The following ZNF385D variants were observed in gnomAD, a reference collection of about 807,000 sequenced individuals.
ZNF385D encodes the protein zinc finger protein 659.
Under a neutral mutation model 35.8 loss-of-function variants are expected in ZNF385D, and 15 were observed. The ratio of observed to expected loss-of-function variants is 0.42; its 90% CI spans 0.28 to 0.64. ZNF385D has a LOEUF of 0.64. ZNF385D is among the 30% of genes least tolerant of loss of function. The pLI, the probability that ZNF385D is intolerant of heterozygous loss-of-function variation, is 0.23. For synonymous variants in ZNF385D, 212 were observed against 186.8 expected (o/e 1.13, Z -1.10); for missense variants, 474 against 494.6 (o/e 0.96, Z 0.39).
At chr3:22,011,105 G>A (rs1214940284) in intron 3 of ZNF385D, among the ~76,000 whole-genome samples, 1 of 151,984 alleles carries the variant, frequency 6.6e-6, no homozygotes, top group Non-Finnish European at 1.5e-5. Flanking sequence ...GTTTCCAGAA[G>A]CATAATAATT....
chr3:21,869,792 G>C (rs1697587274), intron 3 of ZNF385D, among the ~76,000 whole-genome samples: 1 of 152,072 alleles, frequency 6.6e-6, no homozygotes, highest in Non-Finnish European at 1.5e-5. Flanking sequence ...ATTAAGCCTG[G>C]AGCCAATCTA....
chr3:22,073,172 T>C (rs1451187506), intron 3 of ZNF385D, among the ~76,000 whole-genome samples: 1 of 152,016 alleles, frequency 6.6e-6, no homozygotes, highest in African/African-American at 2.4e-5. Flanking sequence ...TAAGTTCTGG[T>C]CAAAATCTAG....
intron 4 of ZNF385D, among the ~76,000 whole-genome samples, chr3:21,479,607 A>C (rs912063460): frequency 2.0e-5 from 3 of 152,140 alleles, no homozygotes; most frequent in Non-Finnish European, 4.4e-5. Flanking sequence ...AAGCACTTCC[A>C]ATCTCCTATC....
intron 2 of ZNF385D, among the ~76,000 whole-genome samples, chr3:21,634,838 A>G (rs529314516): frequency 5.9e-5 from 9 of 151,750 alleles, no homozygotes; most frequent in Non-Finnish European, 1.0e-4. Context: ...TTGGATGGCA[A>G]TATTTTTCTT....
intron 4 of ZNF385D, among the ~76,000 whole-genome samples, chr3:21,448,017 T>G (rs971886512): frequency 6.6e-6 from 1 of 152,186 alleles, no homozygotes; most frequent in Non-Finnish European, 1.5e-5. Flanking sequence ...GCAAGAGTTA[T>G]AATACTTAGC....
At chr3:21,961,254 A>C (rs1702576001) in intron 3 of ZNF385D, among the ~76,000 whole-genome samples, 1 of 152,150 alleles carries the variant, frequency 6.6e-6, no homozygotes, top group Non-Finnish European at 1.5e-5. Flanking sequence ...GGAATATAAA[A>C]AAGGTCTTGG....
intron 3 of ZNF385D, among the ~76,000 whole-genome samples, chr3:22,100,404 T>C (rs1701870349): frequency 6.7e-6 from 1 of 149,656 alleles, no homozygotes; most frequent in South Asian, 2.1e-4. Flanking sequence ...TGCGGCAGTA[T>C]TCACAATAGC....
At chr3:22,108,811 G>C (rs150888787) in intron 3 of ZNF385D, among the ~76,000 whole-genome samples, 51 of 152,176 alleles carry the variant, frequency 3.4e-4, no homozygotes, top group Middle Eastern at 6.8e-3. Context: ...TCATGAGTTC[G>C]AGACCAGCCT....
intron 3 of ZNF385D, among the ~76,000 whole-genome samples, chr3:21,514,210 G>A (rs149798458): frequency 8.5e-5 from 13 of 152,188 alleles, no homozygotes; most frequent in East Asian, 1.9e-4. Flanking sequence ...TCTGAGGGTC[G>A]TCATTGCCAG....
At chr3:21,586,541 A>G (rs1437394967) in intron 2 of ZNF385D, among the ~76,000 whole-genome samples, 1 of 152,212 alleles carries the variant, frequency 6.6e-6, no homozygotes, top group African/African-American at 2.4e-5. Flanking sequence ...ATTAGTTAAT[A>G]TAGTAAAGAA....
At chr3:21,667,667 T>C (rs2066448162) in intron 1 of ZNF385D, among the ~76,000 whole-genome samples, 1 of 152,198 alleles carries the variant, frequency 6.6e-6, no homozygotes, top group Non-Finnish European at 1.5e-5. Context: ...AGAATGCAAT[T>C]TAGCAAGAAA....
chr3:22,019,141 G>C (rs1182787162), intron 3 of ZNF385D, among the ~76,000 whole-genome samples: 1 of 138,810 alleles, frequency 7.2e-6, no homozygotes, highest in African/African-American at 2.7e-5. Context: ...CTCCTATACA[G>C]GGATCTATAA....
chr3:21,604,264 A>G (rs1318949199), intron 2 of ZNF385D, among the ~76,000 whole-genome samples: 2 of 152,204 alleles, frequency 1.3e-5, no homozygotes, highest in Non-Finnish European at 2.9e-5. Flanking sequence ...CTCTGTGTGT[A>G]GAAGCAGAGA....
intron 3 of ZNF385D, among the ~76,000 whole-genome samples, chr3:21,843,353 T>A (rs1229739238): frequency 3.9e-5 from 6 of 151,964 alleles, no homozygotes; most frequent in African/African-American, 1.4e-4. Context: ...AATGTGACAT[T>A]AGTGGACCAG....
At chr3:22,022,746 G>C (rs1697299071) in intron 3 of ZNF385D, among the ~76,000 whole-genome samples, 1 of 151,888 alleles carries the variant, frequency 6.6e-6, no homozygotes, top group African/African-American at 2.4e-5. Context: ...AAATTGAGAT[G>C]GAAAAAAATT....
At chr3:21,612,864 A>G (rs756142074) in intron 2 of ZNF385D, among the ~76,000 whole-genome samples, 1 of 152,174 alleles carries the variant, frequency 6.6e-6, no homozygotes, top group Non-Finnish European at 1.5e-5. Flanking sequence ...TCACATGTCT[A>G]TTAAAATAAA....
chr3:21,805,442 T>C (rs1275832138), intron 3 of ZNF385D, among the ~76,000 whole-genome samples: 2 of 152,148 alleles, frequency 1.3e-5, no homozygotes, highest in Admixed American at 6.5e-5. Context: ...TTCATAGTCA[T>C]ATAAAACAAA....
chr3:21,999,936 A>G (rs1695730779), intron 3 of ZNF385D, among the ~76,000 whole-genome samples: 1 of 152,166 alleles, frequency 6.6e-6, no homozygotes, highest in Non-Finnish European at 1.5e-5. Flanking sequence ...ATAGCTAACA[A>G]GTTCTCAAGT....
intron 3 of ZNF385D, among the ~76,000 whole-genome samples, chr3:21,870,555 C>CTGAGAT (rs1441645544): frequency 3.3e-5 from 5 of 152,156 alleles, no homozygotes; most frequent in African/African-American, 1.2e-4. Context: ...AAAATACAAG[C>CTGAGAT]TGAGATTCAT....
Sources: gnomAD v4.1 joint callset for allele counts (sites outside exome capture counted in the v4.1 genomes callset) on GRCh38, gnomAD v4.1.1 for gene constraint, MANE v1.5 for transcripts, NCBI Gene and HGNC (gene_info 2026-07-23, HGNC 2026-07-21) for gene names.